Variants in EPS8L3 observed in about 807,000 individuals in gnomAD.
The protein encoded by EPS8L3 is EPS8 signaling adaptor L3, also known as epidermal growth factor receptor kinase substrate 8-like protein 3.
EPS8L3 carries 80 observed loss-of-function variants against 88.5 expected under a neutral mutation model. The observed-to-expected ratio is 0.90, with a 90% CI of 0.75 to 1.09. The LOEUF (loss-of-function observed/expected upper bound fraction) is 1.09, where lower values mean the gene tolerates loss of function less well. Among genes scored for constraint, EPS8L3 ranks in the 50% least tolerant of loss-of-function variants. EPS8L3 has a pLI of 0.00. For missense variants in EPS8L3, 721 were observed against 735.2 expected, an observed-to-expected ratio of 0.98 and a Z score of 0.22; for synonymous variants, 286 against 291.0, an observed-to-expected ratio of 0.98 and a Z score of 0.18.
rs745815725 is a variant in EPS8L3, at chr1:109,758,392, C to G, written c.641G>C (p.Ser214Thr). 1 of 1,612,608 alleles carries G rather than the reference C, an allele frequency of 6.2e-7. No individual in the cohort carries two copies. The highest frequency in any genetic ancestry group is 1.7e-5 in the Admixed American group (1 of 59,698). Residue 214 changes from serine (S) to threonine (T), a missense_variant, in exon 8 of 19, where the codon AGT becomes ACT. Transcript: ENST00000361965. ...PSPRPLPRHTSAREPSAFTLP... is the reference protein window; with the variant it reads ...PSPRPLPRHTTAREPSAFTLP... ...AGTAAAGGCACTTGGTTCTCGGGCACTGGTGTGGCGTGGCAGGGGCCTTGG... is the reference window on the plus strand; with the variant it reads ...AGTAAAGGCACTTGGTTCTCGGGCAGTGGTGTGGCGTGGCAGGGGCCTTGG...
chr1:109,752,783 T>G (rs921916315), intron 13 of EPS8L3, 63 bp from the exon 14 acceptor site: 13 of 1,441,000 alleles, frequency 9.0e-6, no homozygotes, highest in Non-Finnish European at 1.2e-5. Context: ...GGGAGGGAGC[T>G]GGGGTATCCG....
At position 109,753,185 on chromosome 1, in the gene EPS8L3, C is replaced by T. The variant is rs758528717; in HGVS notation, c.1132G>A (p.Gly378Ser). The T allele has an allele frequency of 1.9e-6, 3 of 1,611,470 alleles. No individual in the cohort carries two copies. In the South Asian group the frequency reaches 3.3e-5, roughly 18 times the overall value. Residue 378 changes from glycine (G) to serine (S), a missense_variant, in exon 13 of 19, where the codon GGC becomes AGC. Physicochemically the swap from Gly to Ser is moderately conservative, Grantham distance 56 (BLOSUM62 0). Transcript: ENST00000361965. ...AWTTSRADWT[G>S]DEPLPYQPTF... ...GGTTGGTAGGGCAGGGGCTCATCGC[C>T]TGTCCAGTCGGCCCTGAAGAGGGAA...
rs1251324518 is a variant in EPS8L3, at chr1:109,750,516, C to G, written c.1771-114G>C. ...AAGCCTGAATGCATGAAGCTAAGCC[C>G]CTGGGGGAATATCCTGTGCCCAGCA... On this transcript the variant is annotated intron_variant, in intron 18 of 18. Transcript: ENST00000361965. The G allele has an allele frequency of 3.8e-6, 6 of 1,581,230 alleles. No homozygotes were observed. The East Asian group carries it at 1.4e-4, about 36-fold the overall frequency.
At chr1:109,757,242 C>G in intron 11 of EPS8L3, 77 bp from the exon 12 acceptor site, 1 of 1,464,400 alleles carries the variant, frequency 6.8e-7, no homozygotes. Flanking sequence ...CCCAGAGTCC[C>G]TGGCTTCCCA....
At chr1:109,750,939 G>A in intron 17 of EPS8L3, 147 bp from the exon 18 acceptor site, 1 of 949,718 alleles carries the variant, frequency 1.1e-6, no homozygotes, top group Non-Finnish European at 1.6e-6. Context: ...AAGGAGTAAA[G>A]TCAGCATTTG....
Position 109,750,264 on chromosome 1 carries a change from G to T in EPS8L3, c.*127C>A. The T allele has an allele frequency of 8.7e-7, 1 of 1,152,024 alleles. No individual in the cohort carries two copies. The highest frequency in any genetic ancestry group is 1.3e-6 in the Non-Finnish European group (1 of 791,258). The allele number at this position is 1,152,024 out of a possible 1,614,324, so 71.4% of individuals were successfully genotyped here. A position where few individuals can be genotyped will look rare whatever the true frequency, so the allele number is the denominator to read the frequency against. Reference sequence around the variant, plus strand: ...TGGGCCTGTCCATTGTTTTTGCTGTGTGAGCTGGGGTGTGGGGTTTGCTGC... The same window carrying T: ...TGGGCCTGTCCATTGTTTTTGCTGTTTGAGCTGGGGTGTGGGGTTTGCTGC... On this transcript the variant is annotated 3_prime_UTR_variant, in exon 19 of 19. Coordinates refer to ENST00000361965, the MANE Select transcript of EPS8L3 (RefSeq NM_133181.4).
intron 14 of EPS8L3, 40 bp downstream of exon 14, chr1:109,752,646 T>A: frequency 1.3e-6 from 2 of 1,540,400 alleles, no homozygotes; most frequent in African/African-American, 2.7e-5. Flanking sequence ...TGTCCCTCCC[T>A]CCCCAGGACC....
At chr1:109,751,187 A>G in intron 17 of EPS8L3, 91 bp downstream of exon 17, 1 of 1,131,644 alleles carries the variant, frequency 8.8e-7, no homozygotes, top group Non-Finnish European at 1.3e-6. Context: ...TGTACAATGT[A>G]GGCCAGGTTG....
chr1:109,751,958 C>T (rs1457389737), intron 15 of EPS8L3, 37 bp downstream of exon 15: 3 of 1,569,502 alleles, frequency 1.9e-6, no homozygotes, highest in Non-Finnish European at 2.6e-6. Flanking sequence ...TCCCACCAAC[C>T]ACCACCTCCT....
Position 109,759,826 on chromosome 1 carries a change from G to A in EPS8L3, c.107C>T (p.Thr36Ile), listed in dbSNP as rs774419101. 74 of 1,613,750 alleles carry A rather than the reference G, an allele frequency of 4.6e-5. No homozygotes were observed. The highest frequency in any genetic ancestry group is 6.1e-5 in the Non-Finnish European group (72 of 1,179,926). The change falls in exon 4 of 19, where the codon ACA becomes ATA. Residue 36 changes from threonine to isoleucine, a missense_variant. Physicochemically the swap from Thr to Ile is moderately conservative, Grantham distance 89. Transcript: ENST00000361965. This position sits in a 1 kb window ranked among gnomAD's most constrained non-coding sequence, Gnocchi z 4.2. ...LLQHRVEHLM[T>I]CKQGSQRVQG... ...GACTCTCTGACTCCCCTGCTTGCAT[G>A]TCATCAAGTGCTGCAGGGAGAGGGG...
At chr1:109,753,423 C>T (rs982093619) in intron 12 of EPS8L3, among the ~76,000 whole-genome samples, 3 of 152,170 alleles carry the variant, frequency 2.0e-5, no homozygotes, top group African/African-American at 4.8e-5. Flanking sequence ...GTCAACCTCA[C>T]CTCTGCCCAT....
intron 12 of EPS8L3, among the ~76,000 whole-genome samples, chr1:109,755,268 A>G (rs1350384066): frequency 6.6e-6 from 1 of 152,214 alleles, no homozygotes; most frequent in Non-Finnish European, 1.5e-5. Context: ...TTTAATGGGT[A>G]CAGAATTTCT....
rs1557995983 is a variant in EPS8L3 at position 109,758,022 on chromosome 1, AC to A, written c.753del (p.Phe252SerfsTer54). The A allele has an allele frequency of 6.2e-7, 1 of 1,613,992 alleles. No homozygotes were observed. The highest frequency in any genetic ancestry group is 8.5e-7 in the Non-Finnish European group (1 of 1,180,018). The part of the protein sequence containing the change: ...VLNHVLRDIE[L>X]FMGKLEKAQA... ...TGGGCCTTCTCCAGCTTTCCCATGA[AC>A]AGCTCAATGTCCCTTAGGACATGGT... On this transcript the variant is annotated frameshift_variant, in exon 9 of 19. Coordinates refer to ENST00000361965, the MANE Select transcript of EPS8L3 (RefSeq NM_133181.4). LOFTEE classifies it high-confidence loss of function.
At position 109,759,835 on chromosome 1, in the gene EPS8L3, T is replaced by A. The variant is rs1650725643; in HGVS notation, c.98A>T (p.His33Leu). Reference sequence around the variant, plus strand: ...ACTCCCCTGCTTGCATGTCATCAAGTGCTGCAGGGAGAGGGGGAGTCCTAG... The same window carrying A: ...ACTCCCCTGCTTGCATGTCATCAAGAGCTGCAGGGAGAGGGGGAGTCCTAG... Reference protein sequence around the residue: ...EPTLLQHRVEHLMTCKQGSQR... With the variant: ...EPTLLQHRVELLMTCKQGSQR... The change falls in exon 4 of 19, where the codon CAC (histidine) becomes CTC (leucine). Residue 33 changes from histidine (H) to leucine (L), a missense_variant and splice_region_variant. Transcript: ENST00000361965. The surrounding 1 kb of genome is among the most constrained non-coding windows in gnomAD (Gnocchi z 4.2). The A allele has an allele frequency of 1.2e-6, 2 of 1,613,406 alleles. No homozygotes were observed. Among genetic ancestry groups the A allele is most frequent in the East Asian group, 4.5e-5 (2 of 44,878 alleles).
intron 14 of EPS8L3, 53 bp from the exon 15 acceptor site, chr1:109,752,246 A>G (rs1302000501): frequency 2.0e-6 from 3 of 1,535,528 alleles, no homozygotes; most frequent in Non-Finnish European, 8.9e-7. Flanking sequence ...AATTAAGCCT[A>G]TGTCCCAGCC....
Position 109,758,633 on chromosome 1 carries a change from C to G in EPS8L3, c.492G>C (p.Gln164His), listed in dbSNP as rs1650557796. The G allele has an allele frequency of 6.2e-7, 1 of 1,601,108 alleles. No individual in the cohort carries two copies. Among genetic ancestry groups the G allele is most frequent in the Admixed American group, 1.8e-5 (1 of 56,776 alleles). Residue 164 changes from glutamine to histidine, a missense_variant, in exon 7 of 19, where the codon CAG becomes CAC. By Grantham distance (24) the Gln-to-His change is conservative. Coordinates refer to ENST00000361965, the MANE Select transcript of EPS8L3 (RefSeq NM_133181.4). ...CCATAGCAGGCCCCCTCCATCTGTC[C>G]TGGCCTGGCTGAAGGCCTCCAAGTC... ...RPRLGGLQPG[Q>H]DRWRGPAMER...
rs905337230 is a variant in EPS8L3 at position 109,751,558 on chromosome 1, A to C, written c.1563+96T>G. On this transcript the variant is annotated intron_variant, in intron 16 of 18. Transcript: ENST00000361965. ...AGCATGCAATAATACGGTCCGAATCAAACCAAGACTATCTCCTCTGCTTGC... is the reference window on the plus strand; with the variant it reads ...AGCATGCAATAATACGGTCCGAATCCAACCAAGACTATCTCCTCTGCTTGC... 3.8e-6 allele frequency: 6 copies of C among 1,577,716 alleles called. No individual in the cohort carries two copies. In the African/African-American group the frequency reaches 8.1e-5, roughly 21 times the overall value.
chr1:109,754,588 G>T (rs1247195665), intron 12 of EPS8L3, among the ~76,000 whole-genome samples: 1 of 152,150 alleles, frequency 6.6e-6, no homozygotes, highest in Non-Finnish European at 1.5e-5. Context: ...TTGCATCTTC[G>T]TGGGTATTTA....
Position 109,752,200 on chromosome 1 carries a change from A to G in EPS8L3, c.1236-7T>C. 2.5e-6 allele frequency: 4 copies of G among 1,608,744 alleles called. No homozygotes were observed. The highest frequency in any genetic ancestry group is 3.4e-6 in the Non-Finnish European group (4 of 1,176,562). On this transcript the variant is annotated splice_polypyrimidine_tract_variant and splice_region_variant and intron_variant, in intron 14 of 18. Transcript: ENST00000361965. ...TAACCTATGACTTCCCCGCCTAAGA[A>G]ACAGAGTCAGGATGGCTGGAGAATG...
Sources: allele counts gnomAD v4.1 joint callset (sites outside exome capture counted in the v4.1 genomes callset), GRCh38; gene constraint gnomAD v4.1.1; non-coding constraint Gnocchi (gnomAD v3.1); transcripts MANE v1.5; gene names NCBI Gene and HGNC (gene_info 2026-07-23, HGNC 2026-07-21).